Variants in DSC1 observed in about 807,000 individuals in gnomAD.
The protein encoded by DSC1 is desmocollin 1, also known as desmocollin-1.
In DSC1, 79 loss-of-function variants were observed where a neutral mutation model predicts 98.8. The observed-to-expected ratio is 0.80, with a 90% CI of 0.67 to 0.96. The LOEUF (loss-of-function observed/expected upper bound fraction) is 0.96. Ranked by LOEUF, DSC1 falls within the 50% of genes least tolerant of loss-of-function variation. DSC1 has a pLI of 0.00. For missense variants in DSC1, 1,115 were observed against 1,075.9 expected (o/e 1.04, Z -0.51); for synonymous variants, 405 against 372.1 (o/e 1.09, Z -1.02).
chr18:31,148,893 A>G (rs1988903453), intron 5 of DSC1, among the ~76,000 whole-genome samples: 2 of 152,150 alleles, frequency 1.3e-5, no homozygotes, highest in African/African-American at 4.8e-5. Context: ...TGTTCTCTGA[A>G]TTAACTGTAT....
chr18:31,159,094 C>T lies in DSC1; in HGVS notation c.148+351G>A, dbSNP rs567303498. The stretch of plus-strand genomic sequence containing the variant: ...CAGAGTCTTGCTCTGTCGCCCAGGC[C>T]GGACTGCGGACTGCAGTGGCGCAAT... On this transcript the variant is annotated intron_variant, in intron 2 of 15. Transcript: ENST00000257198. 8.4e-3 allele frequency among the ~76,000 whole-genome samples: 650 copies of T among 76,960 alleles called. 82 individuals are homozygous for T. The highest frequency in any genetic ancestry group is 0.03 in the African/African-American group (612 of 20,394). 50.5% of individuals were successfully genotyped at this position (76,960 alleles called of 152,430 possible). A position where few individuals can be genotyped will look rare whatever the true frequency, so the allele number is the denominator to read the frequency against.
At position 31,145,629 on chromosome 18, in the gene DSC1, T is replaced by C; in HGVS notation, c.921A>G (p.Thr307=). Residue 307 remains threonine, a synonymous_variant, in exon 7 of 16, where the codon ACA becomes ACG. Coordinates refer to ENST00000257198, the MANE Select transcript of DSC1 (RefSeq NM_024421.2). ...HPDTGVITTT[T]PFLDREKCDT... ...TCATTACTTCTCTATCCAGAAAAGG[T>C]GTAGTTGTGGTGATGACACCGGTAT... 1 of 1,614,052 alleles carries C rather than the reference T, an allele frequency of 6.2e-7. No homozygotes were observed. Among genetic ancestry groups the C allele is most frequent in the Non-Finnish European group, 8.5e-7 (1 of 1,179,976 alleles).
chr18:31,158,999 C>T (rs550943234), intron 2 of DSC1, among the ~76,000 whole-genome samples: 2 of 145,018 alleles, frequency 1.4e-5, no homozygotes, highest in South Asian at 4.3e-4. Context: ...AACAAGTAGC[C>T]TGTCTTTTAT....
intron 7 of DSC1, 121 bp from the exon 8 acceptor site, chr18:31,143,912 AT>A: frequency 1.5e-6 from 1 of 657,482 alleles, no homozygotes; most frequent in East Asian, 3.8e-5. Context: ...TTTCTTTTAT[AT>A]ATTTATTTAT....
intron 1 of DSC1, among the ~76,000 whole-genome samples, chr18:31,161,175 T>C (rs141914571): frequency 1.4e-3 from 213 of 152,228 alleles, no homozygotes; most frequent in Middle Eastern, 3.4e-3. Flanking sequence ...TTGTAAGTAT[T>C]TGTGTAACTA....
At position 31,134,149 on chromosome 18, in the gene DSC1, G is replaced by T; in HGVS notation, c.1877-19C>A. On this transcript the variant is annotated intron_variant, in intron 12 of 15. Coordinates refer to ENST00000257198, the MANE Select transcript of DSC1 (RefSeq NM_024421.2). ...GTTTTACCTAGGGAAAAAAAAGACA[G>T]AATATATATGGATTGGCTGTTTAGA... is the stretch of plus-strand genomic sequence containing the variant. The T allele has an allele frequency of 1.9e-6, 3 of 1,597,380 alleles. No homozygotes were observed. Among genetic ancestry groups the T allele is most frequent in the Non-Finnish European group, 1.7e-6 (2 of 1,177,564 alleles).
In DSC1 at chr18:31,148,653, G is replaced by A. The variant is rs1196280419; in HGVS notation, c.628-11C>T. Reference sequence around the variant, plus strand: ...TGCATAGCCATATAACTGAAAGAAGGGAAAATACCATCAATGTATTCTCAA... The same window carrying A: ...TGCATAGCCATATAACTGAAAGAAGAGAAAATACCATCAATGTATTCTCAA... On this transcript the variant is annotated splice_polypyrimidine_tract_variant and intron_variant, in intron 5 of 15. Transcript: ENST00000257198. 4 of 1,552,754 alleles carry A rather than the reference G, an allele frequency of 2.6e-6. No individual in the cohort carries two copies. Among genetic ancestry groups the A allele is most frequent in the Admixed American group, 1.7e-5 (1 of 58,044 alleles).
intron 6 of DSC1, among the ~76,000 whole-genome samples, chr18:31,147,870 T>C (rs1982162): frequency 0.23 from 35,626 of 152,102 alleles, 4,692 homozygotes; most frequent in East Asian, 0.56. Context: ...ACATCACTTT[T>C]TTTGGAGTAT....
chr18:31,134,463 TA>T, intron 12 of DSC1, 108 bp downstream of exon 12: 2 of 1,027,588 alleles, frequency 1.9e-6, no homozygotes, highest in Non-Finnish European at 2.8e-6. Flanking sequence ...TTAGGGTTAA[TA>T]AAATAATTTC....
At chr18:31,132,746 AT>A in intron 13 of DSC1, 57 bp from the exon 14 acceptor site, 7 of 1,517,680 alleles carry the variant, frequency 4.6e-6, no homozygotes, top group Non-Finnish European at 6.2e-6. Flanking sequence ...TGATTACATG[AT>A]TTTTTAAAGT....
At chr18:31,148,337 A>G (rs1988889773) in intron 6 of DSC1, among the ~76,000 whole-genome samples, 161 bp downstream of exon 6, 1 of 152,206 alleles carries the variant, frequency 6.6e-6, no homozygotes, top group South Asian at 2.1e-4. Context: ...CTTAATAGCA[A>G]TGTCATATAA....
chr18:31,130,396 C>G lies in DSC1; in HGVS notation c.*118G>C. ...GAATCTCATATTTATAGTACCCTTA[C>G]CTATACATGACAAAGTTTACCTCCA... On this transcript the variant is annotated 3_prime_UTR_variant, in exon 16 of 16. Transcript: ENST00000257198. 1 of 1,047,478 alleles carries G rather than the reference C, an allele frequency of 9.5e-7. No homozygotes were observed. The highest frequency in any genetic ancestry group is 1.6e-5 in the African/African-American group (1 of 62,874). 64.9% of individuals were successfully genotyped at this position (1,047,478 alleles called of 1,614,324 possible).
At chr18:31,148,694 C>G (rs372013689) in intron 5 of DSC1, 52 bp from the exon 6 acceptor site, 2 of 1,449,540 alleles carry the variant, frequency 1.4e-6, no homozygotes, top group Non-Finnish European at 1.8e-6. Flanking sequence ...AAATTATGCA[C>G]AAAAGTAAGC....
Position 31,156,158 on chromosome 18 carries a change from G to A in DSC1, c.356C>T (p.Pro119Leu). ...VVLSARENKSPKKRHTKDTAL... is the reference protein window; with the variant it reads ...VVLSARENKSLKKRHTKDTAL... ...TGTGTCTTTGGTATGTCTCTTCTTA[G>A]GAGACTACATTTGACAAGAAACAAA... Residue 119 changes from proline (P) to leucine (L), a missense_variant, in exon 4 of 16, where the codon CCT becomes CTT. Physicochemically the swap from Pro to Leu is moderately conservative, Grantham distance 98 (BLOSUM62 -3). Coordinates refer to ENST00000257198, the MANE Select transcript of DSC1 (RefSeq NM_024421.2). The A allele has an allele frequency of 6.2e-7, 1 of 1,606,860 alleles. No individual in the cohort carries two copies. The highest frequency in any genetic ancestry group is 8.5e-7 in the Non-Finnish European group (1 of 1,178,372).
At chr18:31,137,741 A>G (rs190610021) in intron 11 of DSC1, among the ~76,000 whole-genome samples, 2 of 152,226 alleles carry the variant, frequency 1.3e-5, no homozygotes, top group Admixed American at 1.3e-4. Flanking sequence ...AACAATCACA[A>G]ACCTTGTCAT....
Position 31,159,332 on chromosome 18 carries a change from C to A in DSC1, c.148+113G>T, listed in dbSNP as rs201060973. 26 of 970,874 alleles carry A rather than the reference C, an allele frequency of 2.7e-5. No individual in the cohort carries two copies. In the East Asian group the frequency reaches 5.3e-4, roughly 20 times the overall value. The allele number at this position is 970,874 out of a possible 1,614,324, so 60.1% of individuals were successfully genotyped here. ...CCTCCCAAAGTGCTGGGATTACAGG[C>A]GTGAGCCACCGCGCCCGGCCTACTA... On this transcript the variant is annotated intron_variant, in intron 2 of 15. Coordinates refer to ENST00000257198, the MANE Select transcript of DSC1 (RefSeq NM_024421.2).
intron 11 of DSC1, among the ~76,000 whole-genome samples, chr18:31,136,668 A>C (rs184659680): frequency 6.6e-6 from 1 of 152,200 alleles, no homozygotes; most frequent in South Asian, 2.1e-4. Context: ...ACTAACACCA[A>C]TGATAGCTGA....
In DSC1 at chr18:31,133,914, A is replaced by T. The variant is rs781167717; in HGVS notation, c.2093T>A (p.Val698Glu). Residue 698 changes from valine to glutamate, a missense_variant, in exon 13 of 16, where the codon GTG (valine) becomes GAG (glutamate). Physicochemically the swap from Val to Glu is moderately radical, Grantham distance 121. Transcript: ENST00000257198. The stretch of plus-strand genomic sequence containing the variant: ...ACATAATAACAATACAGAACCCAAC[A>T]CCATAGCAAGAATAGCCCATCTTCC... ...ILGRWAILAM[V>E]LGSVLLLCIL... 6.2e-7 allele frequency: 1 copy of T among 1,613,018 alleles called. No homozygotes were observed. The highest frequency in any genetic ancestry group is 1.1e-5 in the South Asian group (1 of 91,032).
chr18:31,135,719 A>C (rs1488184753), intron 11 of DSC1, among the ~76,000 whole-genome samples: 1 of 152,152 alleles, frequency 6.6e-6, no homozygotes, highest in African/African-American at 2.4e-5. Context: ...ATTTGTGTTT[A>C]AGAGATAATG....
Sources: allele counts gnomAD v4.1 joint callset (sites outside exome capture counted in the v4.1 genomes callset), GRCh38; gene constraint gnomAD v4.1.1; transcripts MANE v1.5; gene names NCBI Gene and HGNC (gene_info 2026-07-23, HGNC 2026-07-21).